The following PRELID2 variants were observed in gnomAD, a reference collection of about 807,000 sequenced individuals.
The protein encoded by PRELID2 is PRELI domain containing 2, also known as PRELI domain-containing protein 2.
A neutral mutation model predicts 28.4 loss-of-function variants in PRELID2; 25 were observed. The ratio of observed to expected loss-of-function variants is 0.88; its 90% CI spans 0.64 to 1.23. PRELID2 has a LOEUF of 1.23. Among genes scored for constraint, PRELID2 ranks in the 50% most tolerant of loss-of-function variants. PRELID2 has a pLI of 0.00. For missense variants in PRELID2, 201 were observed against 214.4 expected (o/e 0.94, Z 0.39); for synonymous variants, 76 against 71.6 (o/e 1.06, Z -0.31).
chr5:145,262,371 C>T, the PRELID2 span, among the ~76,000 whole-genome samples: 5 of 151,966 alleles, frequency 3.3e-5, no homozygotes, highest in East Asian at 9.7e-4. Flanking sequence ...ATCATTGCCT[C>T]AGCACATAGT....
At chr5:145,433,312 G>A in the PRELID2 span, among the ~76,000 whole-genome samples, 56 of 152,206 alleles carry the variant, frequency 3.7e-4, no homozygotes, top group African/African-American at 1.2e-3. Context: ...GGTGAGGTGC[G>A]CTGCAGGTGA....
chr5:145,423,154 T>C, the PRELID2 span, among the ~76,000 whole-genome samples: 12 of 152,096 alleles, frequency 7.9e-5, no homozygotes, highest in Non-Finnish European at 1.8e-4. Context: ...CCTTTCTCTC[T>C]GGCTGCCCTT....
At chr5:145,292,318 AATT>A in the PRELID2 span, among the ~76,000 whole-genome samples, 1 of 152,106 alleles carries the variant, frequency 6.6e-6, no homozygotes, top group African/African-American at 2.4e-5. Flanking sequence ...CAAGAGAGGG[AATT>A]ATTATGAAAT....
intron 1 of PRELID2, among the ~76,000 whole-genome samples, chr5:145,679,087 G>A (rs1027013283): frequency 6.6e-6 from 1 of 152,098 alleles, no homozygotes; most frequent in African/African-American, 2.4e-5. Context: ...TCTGCATTTG[G>A]GAAAGGCTCT....
chr5:145,678,931 T>C (rs931651483), intron 1 of PRELID2, among the ~76,000 whole-genome samples: 1 of 152,176 alleles, frequency 6.6e-6, no homozygotes, highest in Non-Finnish European at 1.5e-5. Flanking sequence ...TGCGAGAAAA[T>C]TCACATTTCT....
At chr5:145,402,510 A>T in the PRELID2 span, among the ~76,000 whole-genome samples, 1 of 152,216 alleles carries the variant, frequency 6.6e-6, no homozygotes. Context: ...AAGGAAAATT[A>T]AAATGCTCAC....
chr5:145,658,047 A>G (rs1754426125), intron 1 of PRELID2, among the ~76,000 whole-genome samples: 1 of 152,206 alleles, frequency 6.6e-6, no homozygotes, highest in Non-Finnish European at 1.5e-5. Flanking sequence ...CAATTCAGTT[A>G]ATATATTGAG....
At position 145,684,818 on chromosome 5, in the gene PRELID2, G is replaced by T. The variant is rs896439547; in HGVS notation, n.70+80113C>A. On this transcript the variant is annotated intron_variant and non_coding_transcript_variant, in intron 1 of 2. Transcript: ENST00000510259. ...CATTTGGAGTACAGATTGTAGTCAT[G>T]GGTGCTGTTGGCACCACTAAGGCAA... 6.6e-5 allele frequency among the ~76,000 whole-genome samples: 10 copies of T among 152,284 alleles called. No homozygotes were observed. The East Asian group carries it at 1.7e-3, about 26-fold the overall frequency.
chr5:145,423,406 C>G, the PRELID2 span, among the ~76,000 whole-genome samples: 5 of 152,124 alleles, frequency 3.3e-5, no homozygotes, highest in Non-Finnish European at 7.3e-5. Flanking sequence ...TTCACATAGT[C>G]CCATATTTCT....
rs185863393 is a variant in PRELID2, at chr5:145,488,817, T to C, written n.71-15502A>G. ...TAGTAGTTTTTTATTCACACATTTA[T>C]GACAGTTGGTATAAAGGACATTTTT... On this transcript the variant is annotated intron_variant and non_coding_transcript_variant, in intron 1 of 2. Transcript: ENST00000510259. Among the ~76,000 whole-genome samples, 90 of 152,248 alleles carry C rather than the reference T, an allele frequency of 5.9e-4. No homozygotes were observed. In the Middle Eastern group the frequency reaches 0.01, roughly 17 times the overall value.
the PRELID2 span, among the ~76,000 whole-genome samples, chr5:145,293,159 C>T: frequency 6.6e-6 from 1 of 152,140 alleles, no homozygotes; most frequent in African/African-American, 2.4e-5. Context: ...ACAATTGCTA[C>T]CACTCCTACT....
chr5:145,486,444 T>G (rs531012152), intron 1 of PRELID2, among the ~76,000 whole-genome samples: 17 of 152,320 alleles, frequency 1.1e-4, no homozygotes, highest in Non-Finnish European at 1.6e-4. Context: ...ACTTTTTCAA[T>G]GTAAAATAAA....
chr5:145,802,728 G>T (rs780243419), intron 4 of PRELID2, among the ~76,000 whole-genome samples: 16 of 152,112 alleles, frequency 1.1e-4, no homozygotes, highest in Non-Finnish European at 1.8e-4. Context: ...TAGTGGGTGT[G>T]ATTCAAAACA....
chr5:145,561,793 C>T (rs1410624090), intron 1 of PRELID2, among the ~76,000 whole-genome samples: 1 of 152,150 alleles, frequency 6.6e-6, no homozygotes, highest in Non-Finnish European at 1.5e-5. Context: ...GCATGAATGC[C>T]TCTTATGGCC....
In PRELID2 at chr5:145,550,602, A is replaced by G. The variant is rs562277768; in HGVS notation, n.71-77287T>C. ...TATAGTAATAATAATTTTTAAATGT[A>G]CAGTTTCCTATACTAAAGAAGGACC... On this transcript the variant is annotated intron_variant and non_coding_transcript_variant, in intron 1 of 2. Coordinates refer to the PRELID2 transcript ENST00000510259. 4.6e-5 allele frequency among the ~76,000 whole-genome samples: 7 copies of G among 152,288 alleles called. No homozygotes were observed. In the South Asian group the frequency reaches 1.2e-3, roughly 27 times the overall value.
the PRELID2 span, among the ~76,000 whole-genome samples, chr5:145,283,893 A>T: frequency 6.6e-6 from 1 of 152,138 alleles, no homozygotes; most frequent in Non-Finnish European, 1.5e-5. Flanking sequence ...CTCTTATATA[A>T]AATATCTTTA....
intron 1 of PRELID2, among the ~76,000 whole-genome samples, chr5:145,697,577 GACA>G (rs929963840): frequency 9.9e-5 from 15 of 152,126 alleles, no homozygotes; most frequent in Non-Finnish European, 4.4e-5. Flanking sequence ...GGTCAGTAGT[GACA>G]ACAGAGACTC....
At chr5:145,253,807 T>C in the PRELID2 span, among the ~76,000 whole-genome samples, 1 of 151,412 alleles carries the variant, frequency 6.6e-6, no homozygotes, top group East Asian at 1.9e-4. Flanking sequence ...TGGTAAAGTA[T>C]AGTTGCTAAG....
At chr5:145,795,978 G>A (rs1752720178) in intron 5 of PRELID2, 1 of 152,574 alleles carries the variant, frequency 6.6e-6, no homozygotes, top group African/African-American at 2.4e-5. Context: ...GACAATTGGG[G>A]TCTCTGTATT....
Sources: allele counts gnomAD v4.1 joint callset (sites outside exome capture counted in the v4.1 genomes callset), GRCh38; gene constraint gnomAD v4.1.1; transcripts MANE v1.5; gene names NCBI Gene and HGNC (gene_info 2026-07-23, HGNC 2026-07-21).